MTX2: variants seen among roughly 807,000 people sequenced by gnomAD.
MTX2 encodes metaxin 2.
A neutral mutation model predicts 42.3 loss-of-function variants in MTX2; 35 were observed. The ratio of observed to expected loss-of-function variants is 0.83; its 90% confidence interval spans 0.63 to 1.10. The LOEUF (loss-of-function observed/expected upper bound fraction) is 1.10, where lower values mean the gene tolerates loss of function less well. MTX2 is among the 50% of genes least tolerant of loss of function. The pLI, the probability that MTX2 is intolerant of heterozygous loss-of-function variation, is 0.00. For missense variants in MTX2, 307 were observed against 304.1 expected, an observed-to-expected ratio of 1.01 and a Z score of -0.07; for synonymous variants, 119 against 100.9, an observed-to-expected ratio of 1.18 and a Z score of -1.08.
chr2:176,309,870 T>G (rs1472783774), intron 3 of MTX2, among the ~76,000 whole-genome samples: 1 of 152,170 alleles, frequency 6.6e-6, no homozygotes, highest in Non-Finnish European at 1.5e-5. Flanking sequence ...TTTGCCAGTC[T>G]GTGTCTTTTA....
At position 176,331,779 on chromosome 2, in the gene MTX2, A is replaced by G. The variant is rs538310993; in HGVS notation, c.620+1119A>G. ...CCTAACACAAGAGAAATGTATCCAAATGTCAATATTACGTGATTTCTTTTC... is the reference window on the plus strand; with the variant it reads ...CCTAACACAAGAGAAATGTATCCAAGTGTCAATATTACGTGATTTCTTTTC... On this transcript the variant is annotated intron_variant, in intron 9 of 9. Transcript: ENST00000249442. 9.3e-5 allele frequency among the ~76,000 whole-genome samples: 14 copies of G among 151,240 alleles called. 1 individual carries two copies. Among genetic ancestry groups the G allele is most frequent in the African/African-American group, 3.4e-4 (14 of 41,454 alleles).
chr2:176,269,751 C>T, intron 1 of MTX2, 82 bp downstream of exon 1: 2 of 1,469,300 alleles, frequency 1.4e-6, no homozygotes, highest in South Asian at 2.6e-5. Context: ...AGCTTTCCTC[C>T]AGCCTTGCGG....
intron 4 of MTX2, among the ~76,000 whole-genome samples, chr2:176,324,217 A>G (rs1452910304): frequency 6.6e-6 from 1 of 151,564 alleles, no homozygotes; most frequent in Non-Finnish European, 1.5e-5. Flanking sequence ...TAAGTGTGTA[A>G]CATTGCTTTT....
chr2:176,307,134 A>C (rs952295794), intron 3 of MTX2, among the ~76,000 whole-genome samples: 9 of 152,216 alleles, frequency 5.9e-5, no homozygotes, highest in African/African-American at 2.2e-4. Context: ...ATGGCTAGCC[A>C]GTTTTCCCAG....
At chr2:176,273,162 A>G (rs1020430941) in intron 1 of MTX2, among the ~76,000 whole-genome samples, 7 of 152,190 alleles carry the variant, frequency 4.6e-5, no homozygotes, top group African/African-American at 1.7e-4. Context: ...TAAAGAGATG[A>G]ATCCATTCAT....
chr2:176,269,737 C>A, intron 1 of MTX2, 68 bp downstream of exon 1: 1 of 1,503,570 alleles, frequency 6.7e-7, no homozygotes, highest in Non-Finnish European at 8.9e-7. Context: ...GGGTACAGGG[C>A]TGGAGCTTTC....
intron 3 of MTX2, among the ~76,000 whole-genome samples, chr2:176,315,372 C>T (rs1045435569): frequency 6.6e-6 from 1 of 152,094 alleles, no homozygotes; most frequent in African/African-American, 2.4e-5. Context: ...ATATCCACAT[C>T]GAGTTATCAG....
At chr2:176,298,373 C>A (rs912241125) in intron 3 of MTX2, among the ~76,000 whole-genome samples, 1 of 152,024 alleles carries the variant, frequency 6.6e-6, no homozygotes, top group African/African-American at 2.4e-5. Context: ...CTAGCCACTC[C>A]TCATATATTT....
chr2:176,294,612 A>C (rs548254232), intron 1 of MTX2, among the ~76,000 whole-genome samples: 1 of 152,290 alleles, frequency 6.6e-6, no homozygotes, highest in Non-Finnish European at 1.5e-5. Flanking sequence ...TGACCACATA[A>C]ATTGCTGTTC....
intron 3 of MTX2, among the ~76,000 whole-genome samples, chr2:176,310,370 A>G (rs371802827): frequency 6.6e-6 from 1 of 152,026 alleles, no homozygotes; most frequent in East Asian, 1.9e-4. Context: ...TCTGACAATT[A>G]TGTGTGTTGG....
chr2:176,290,041 G>A (rs960145827), intron 1 of MTX2, among the ~76,000 whole-genome samples: 2 of 152,084 alleles, frequency 1.3e-5, no homozygotes, highest in Non-Finnish European at 2.9e-5. Context: ...GAAAAATGCA[G>A]ACTGCTATGG....
Position 176,311,137 on chromosome 2 carries a change from T to C in MTX2, c.136-12255T>C, listed in dbSNP as rs1047247720. Reference sequence around the variant, plus strand: ...GGTATTCCTTTCTGTTTGTTAGTTTTCCTTCTAACAGCCAGGTCCCTCAGC... The same window carrying C: ...GGTATTCCTTTCTGTTTGTTAGTTTCCCTTCTAACAGCCAGGTCCCTCAGC... On this transcript the variant is annotated intron_variant, in intron 3 of 9. Transcript: ENST00000249442. Among the ~76,000 whole-genome samples the C allele has an allele frequency of 3.9e-5, 6 of 152,202 alleles. No homozygotes were observed. The South Asian group carries it at 8.3e-4, about 21-fold the overall frequency.
intron 3 of MTX2, among the ~76,000 whole-genome samples, chr2:176,319,442 C>CTTTTT (rs71004269): frequency 7.7e-6 from 1 of 130,596 alleles, no homozygotes; most frequent in East Asian, 2.3e-4. Context: ...TTTGGCTTTG[C>CTTTTT]TTTTTTTTTT....
chr2:176,334,588 C>T (rs1460606171), intron 9 of MTX2, among the ~76,000 whole-genome samples: 1 of 151,640 alleles, frequency 6.6e-6, no homozygotes, highest in African/African-American at 2.4e-5. Flanking sequence ...ATACTGTTGG[C>T]TACCCATTTA....
rs375680278 is a variant in MTX2 at position 176,337,508 on chromosome 2, C to T, written c.636C>T (p.Asp212=). ...CTACTTTTAGGCCTACTGAACTTGACGCACTGGTATTTGGCCATCTATACA... is the reference window on the plus strand; with the variant it reads ...CTACTTTTAGGCCTACTGAACTTGATGCACTGGTATTTGGCCATCTATACA... ...YFFNKQPTEL[D]ALVFGHLYTI... is the part of the protein sequence containing the mutation. Residue 212 remains aspartate, a synonymous_variant, in exon 10 of 10, where the codon GAC becomes GAT. Coordinates refer to ENST00000249442, the MANE Select transcript of MTX2 (RefSeq NM_006554.5). The T allele has an allele frequency of 1.9e-5, 31 of 1,602,104 alleles. No individual in the cohort carries two copies. In the African/African-American group the frequency reaches 2.2e-4, roughly 11 times the overall value.
At chr2:176,270,238 TG>T in intron 1 of MTX2, 2 of 570,626 alleles carry the variant, frequency 3.5e-6, no homozygotes, top group Non-Finnish European at 5.3e-6. Context: ...TGGCACAACC[TG>T]GGCTCACTGC....
chr2:176,336,539 A>T (rs532383019), intron 9 of MTX2, among the ~76,000 whole-genome samples: 2 of 152,144 alleles, frequency 1.3e-5, no homozygotes, highest in South Asian at 4.1e-4. Flanking sequence ...AAACAACTTT[A>T]TAATTTATGT....
intron 1 of MTX2, among the ~76,000 whole-genome samples, chr2:176,281,819 C>T (rs891730519): frequency 3.3e-5 from 5 of 151,986 alleles, no homozygotes; most frequent in East Asian, 1.9e-4. Context: ...TGGTTTTGTA[C>T]GTTGTAATTA....
chr2:176,328,234 C>T, intron 5 of MTX2, 59 bp from the exon 6 acceptor site: 1 of 1,108,696 alleles, frequency 9.0e-7, no homozygotes, highest in Non-Finnish European at 1.3e-6. Flanking sequence ...AGTGAGATAA[C>T]TGAAAGTTTT....
Sources: gnomAD v4.1 joint callset for allele counts (sites outside exome capture counted in the v4.1 genomes callset) on GRCh38, gnomAD v4.1.1 for gene constraint, MANE v1.5 for transcripts, NCBI Gene and HGNC (gene_info 2026-07-23, HGNC 2026-07-21) for gene names.